Variants in PTPRD observed in about 807,000 individuals in gnomAD.
PTPRD encodes the protein receptor-type tyrosine-protein phosphatase delta.
In PTPRD, 34 loss-of-function variants were observed where a neutral mutation model predicts 214.5. That is an observed-to-expected ratio of 0.16 (90% CI 0.12 to 0.21). PTPRD has a LOEUF of 0.21. PTPRD is among the 10% of genes least tolerant of loss of function. The probability of loss-of-function intolerance (pLI) is 1.00; values close to 1 mark genes in which losing one functional copy is unlikely to be tolerated. For missense variants in PTPRD, 2,545 were observed against 2,398.7 expected (o/e 1.06, Z -1.27); for synonymous variants, 1,128 against 845.7 (o/e 1.33, Z -5.79).
intron 11 of PTPRD, among the ~76,000 whole-genome samples, chr9:8,898,515 TA>T (rs2098639034): frequency 6.6e-6 from 1 of 152,188 alleles, no homozygotes; most frequent in African/African-American, 2.4e-5. Flanking sequence ...AACTACAAAA[TA>T]ATAATGAGTT....
chr9:9,398,167 C>T (rs1019174820), intron 8 of PTPRD, among the ~76,000 whole-genome samples: 2 of 149,294 alleles, frequency 1.3e-5, no homozygotes. Flanking sequence ...ATTTGCTCTG[C>T]CTCAATATTT....
At chr9:9,587,768 C>T (rs1363829658) in intron 7 of PTPRD, among the ~76,000 whole-genome samples, 9 of 152,016 alleles carry the variant, frequency 5.9e-5, no homozygotes, top group African/African-American at 2.2e-4. Flanking sequence ...AAGACAAATA[C>T]TGCATGTTCT....
At chr9:9,732,815 G>A (rs1006502249) in intron 7 of PTPRD, among the ~76,000 whole-genome samples, 1 of 152,002 alleles carries the variant, frequency 6.6e-6, no homozygotes, top group African/African-American at 2.4e-5. Flanking sequence ...CAGGGACCGT[G>A]GTGTGGCTCT....
chr9:10,087,092 A>G (rs1215312442), intron 3 of PTPRD, among the ~76,000 whole-genome samples: 5 of 151,504 alleles, frequency 3.3e-5, no homozygotes, highest in Non-Finnish European at 7.4e-5. Context: ...AAAACAAAAA[A>G]CAAAGAATCA....
At chr9:8,462,970 T>C (rs920520907) in intron 32 of PTPRD, among the ~76,000 whole-genome samples, 1 of 151,918 alleles carries the variant, frequency 6.6e-6, no homozygotes, top group Admixed American at 6.6e-5. Flanking sequence ...TCTCAGCAAA[T>C]CTTGGCTGAA....
chr9:8,798,683 A>T (rs2096499602), intron 11 of PTPRD, among the ~76,000 whole-genome samples: 1 of 152,184 alleles, frequency 6.6e-6, no homozygotes, highest in South Asian at 2.1e-4. Context: ...GGGAGTTGCA[A>T]TTCTGCAGTT....
intron 4 of PTPRD, among the ~76,000 whole-genome samples, chr9:9,976,239 C>G (rs914513624): frequency 6.6e-6 from 1 of 152,012 alleles, no homozygotes; most frequent in Non-Finnish European, 1.5e-5. Flanking sequence ...GGTCCCCCTC[C>G]CAGTTTACAA....
At position 8,924,390 on chromosome 9, in the gene PTPRD, T is replaced by G. The variant is rs567669484; in HGVS notation, c.-104+94307A>C. The stretch of plus-strand genomic sequence containing the variant: ...GAAAAATACAAAACCTAGTCCTTGG[T>G]GGGATAGAAAGAGAAACCACTGAGT... On this transcript the variant is annotated intron_variant, in intron 11 of 45. Coordinates refer to ENST00000381196, the MANE Select transcript of PTPRD (RefSeq NM_002839.4). Among the ~76,000 whole-genome samples, 84 of 152,298 alleles carry G rather than the reference T, an allele frequency of 5.5e-4. 1 individual carries two copies. Among genetic ancestry groups the G allele is most frequent in the African/African-American group, 2.0e-3 (84 of 41,560 alleles).
At chr9:10,392,018 C>A (rs1297878211) in intron 2 of PTPRD, among the ~76,000 whole-genome samples, 1 of 151,750 alleles carries the variant, frequency 6.6e-6, no homozygotes, top group Non-Finnish European at 1.5e-5. Context: ...TGCCTCTTCC[C>A]TTCCCTACTA....
intron 30 of PTPRD, among the ~76,000 whole-genome samples, chr9:8,482,554 G>T (rs1027401956): frequency 6.6e-6 from 1 of 152,030 alleles, no homozygotes; most frequent in African/African-American, 2.4e-5. Flanking sequence ...TAGAAGAAAT[G>T]AGAAAGGATT....
chr9:10,498,656 A>G (rs1391340348), intron 2 of PTPRD, among the ~76,000 whole-genome samples: 1 of 151,990 alleles, frequency 6.6e-6, no homozygotes, highest in Non-Finnish European at 1.5e-5. Flanking sequence ...CACAAAAAAA[A>G]GGTAAGAACA....
chr9:9,253,044 A>G (rs957542209), intron 9 of PTPRD, among the ~76,000 whole-genome samples: 10 of 152,136 alleles, frequency 6.6e-5, no homozygotes, highest in African/African-American at 2.4e-4. Context: ...GGAAAAGTAG[A>G]ATAATTGTGA....
chr9:8,687,135 T>C (rs1195323387), intron 12 of PTPRD, among the ~76,000 whole-genome samples: 1 of 152,204 alleles, frequency 6.6e-6, no homozygotes, highest in Admixed American at 6.5e-5. Context: ...CTAAAAAATA[T>C]TCCACATATA....
At chr9:8,371,278 C>A (rs965531017) in intron 39 of PTPRD, among the ~76,000 whole-genome samples, 2 of 151,978 alleles carry the variant, frequency 1.3e-5, no homozygotes, top group African/African-American at 4.8e-5. Context: ...ATCAGTCCAG[C>A]CTTGAAACTC....
chr9:9,214,889 A>T (rs1333190594), intron 9 of PTPRD, among the ~76,000 whole-genome samples: 3 of 152,206 alleles, frequency 2.0e-5, no homozygotes, highest in African/African-American at 7.2e-5. Context: ...AAGCCCAGAG[A>T]TGTTAAGTAA....
At chr9:8,788,253 A>ATTTTTTTTT (rs776984034) in intron 11 of PTPRD, among the ~76,000 whole-genome samples, 4 of 85,264 alleles carry the variant, frequency 4.7e-5, no homozygotes, top group Non-Finnish European at 6.2e-5. Context: ...ATATAAGATG[A>ATTTTTTTTT]TTTTTTTTTT....
At chr9:9,520,526 T>TG (rs1395416611) in intron 8 of PTPRD, among the ~76,000 whole-genome samples, 2 of 152,134 alleles carry the variant, frequency 1.3e-5, no homozygotes, top group African/African-American at 4.8e-5. Context: ...AAATACAGTG[T>TG]CTTTTTTCTA....
At chr9:9,931,158 G>GA (rs561932788) in intron 5 of PTPRD, among the ~76,000 whole-genome samples, 1 of 151,642 alleles carries the variant, frequency 6.6e-6, no homozygotes. Context: ...TTTTCCTATA[G>GA]AAAAAAATTG....
At chr9:10,308,677 T>A (rs1455183122) in intron 3 of PTPRD, among the ~76,000 whole-genome samples, 1 of 152,116 alleles carries the variant, frequency 6.6e-6, no homozygotes, top group Non-Finnish European at 1.5e-5. Context: ...CAATATTACA[T>A]TGTCTGATTC....
Sources: allele counts gnomAD v4.1 joint callset (sites outside exome capture counted in the v4.1 genomes callset), GRCh38; gene constraint gnomAD v4.1.1; transcripts MANE v1.5; gene names NCBI Gene and HGNC (gene_info 2026-07-23, HGNC 2026-07-21).